The following KATNAL2 variants were observed in gnomAD, a reference collection of about 807,000 sequenced individuals.
KATNAL2 encodes the protein katanin p60 ATPase-containing subunit A-like 2.
Under a neutral mutation model 76.3 loss-of-function variants are expected in KATNAL2, and 52 were observed. That is an observed-to-expected ratio of 0.68 (90% CI 0.55 to 0.86). The LOEUF (loss-of-function observed/expected upper bound fraction) is 0.86, where lower values mean the gene tolerates loss of function less well. Ranked by LOEUF, KATNAL2 falls within the 40% of genes least tolerant of loss-of-function variation. The pLI, the probability that KATNAL2 is intolerant of heterozygous loss-of-function variation, is 0.00. For synonymous variants in KATNAL2, 243 were observed against 244.2 expected (o/e 1.00, Z 0.05); for missense variants, 660 against 668.9 (o/e 0.99, Z 0.15).
At chr18:47,054,740 G>A in intron 6 of KATNAL2, 1 of 330,154 alleles carries the variant, frequency 3.0e-6, no homozygotes, top group Non-Finnish European at 5.5e-6. Flanking sequence ...TCCTGGCTCT[G>A]CTATTTACAA....
chr18:46,959,863 C>T (rs1599474997), intron 3 of KATNAL2, among the ~76,000 whole-genome samples: 1 of 152,210 alleles, frequency 6.6e-6, no homozygotes, highest in East Asian at 1.9e-4. Context: ...GTGTGAGCCA[C>T]CACGCCTGGC....
intron 3 of KATNAL2, among the ~76,000 whole-genome samples, chr18:46,949,902 T>C (rs1357317921): frequency 6.6e-6 from 1 of 152,214 alleles, no homozygotes; most frequent in African/African-American, 2.4e-5. Flanking sequence ...ATGATCAGGG[T>C]GATTTTCTTA....
rs1166313890 is a variant in KATNAL2, at chr18:47,032,576, C to G, written c.52-13881C>G. On this transcript the variant is annotated intron_variant, in intron 3 of 17. Transcript: ENST00000683218. ...ATTAAAACAACAACAACGGCAGCAA[C>G]AGCAAACATTTTATGTATTCGGAGT... 4.7e-5 allele frequency: 10 copies of G among 214,600 alleles called. No individual in the cohort carries two copies. The South Asian group carries it at 5.2e-4, about 11-fold the overall frequency. 13.3% of individuals were successfully genotyped at this position (214,600 alleles called of 1,614,324 possible).
chr18:47,099,984 C>T (rs1358319757), intron 16 of KATNAL2, among the ~76,000 whole-genome samples: 1 of 152,180 alleles, frequency 6.6e-6, no homozygotes, highest in East Asian at 1.9e-4. Context: ...CCCTGATAGG[C>T]TAACTTGGGT....
chr18:46,940,898 T>G (rs987192190), intron 1 of KATNAL2, among the ~76,000 whole-genome samples: 1 of 152,032 alleles, frequency 6.6e-6, no homozygotes, highest in African/African-American at 2.4e-5. Flanking sequence ...GGTGGCATAC[T>G]CCTATAGTCC....
chr18:47,088,274 C>T (rs1280937905), intron 15 of KATNAL2, among the ~76,000 whole-genome samples: 1 of 152,172 alleles, frequency 6.6e-6, no homozygotes, highest in Non-Finnish European at 1.5e-5. Context: ...GAACTCACTG[C>T]CACACCATTC....
intron 3 of KATNAL2, among the ~76,000 whole-genome samples, chr18:47,032,136 G>C (rs1035249141): frequency 2.0e-5 from 3 of 152,214 alleles, no homozygotes; most frequent in Non-Finnish European, 4.4e-5. Context: ...GGGGTTCTGG[G>C]TGAAAAGTTT....
In KATNAL2 at chr18:47,099,030, C is replaced by T. The variant is rs151028362; in HGVS notation, c.1212-213C>T. 1.3e-3 allele frequency: 535 copies of T among 412,892 alleles called. 10 individuals carry two copies. The East Asian group carries it at 0.018, about 14-fold the overall frequency. 25.6% of individuals were successfully genotyped at this position (412,892 alleles called of 1,614,324 possible). ...CTTTCTTCTCCTTCCTTTCTGCTTTCCTCTCTTCCCTTCCTTCCCTCCCTC... is the reference window on the plus strand; with the variant it reads ...CTTTCTTCTCCTTCCTTTCTGCTTTTCTCTCTTCCCTTCCTTCCCTCCCTC... On this transcript the variant is annotated intron_variant, in intron 15 of 17. Coordinates refer to ENST00000683218, the MANE Select transcript of KATNAL2 (RefSeq NM_001387690.1).
intron 3 of KATNAL2, among the ~76,000 whole-genome samples, chr18:47,042,939 G>T (rs544739529): frequency 6.6e-6 from 1 of 152,296 alleles, no homozygotes; most frequent in East Asian, 1.9e-4. Context: ...TTAAAAATGA[G>T]ATCGTAGGCT....
intron 13 of KATNAL2, among the ~76,000 whole-genome samples, chr18:47,071,727 T>C (rs935869249): frequency 3.3e-5 from 5 of 151,892 alleles, no homozygotes; most frequent in East Asian, 3.9e-4. Context: ...CTAACAAAGA[T>C]TGAAGTTACA....
intron 1 of KATNAL2, among the ~76,000 whole-genome samples, chr18:46,930,794 G>T (rs1040902911): frequency 1.3e-5 from 2 of 149,890 alleles, no homozygotes; most frequent in Non-Finnish European, 3.0e-5. Flanking sequence ...GTGACAGAGT[G>T]AGACTCCATG....
At chr18:47,052,073 A>G (rs1439992732) in intron 4 of KATNAL2, among the ~76,000 whole-genome samples, 1 of 152,238 alleles carries the variant, frequency 6.6e-6, no homozygotes, top group Non-Finnish European at 1.5e-5. Context: ...GCACATGTGC[A>G]CACTTTTCAG....
At chr18:47,066,848 TATATATATATA>T (rs1249155478) in intron 10 of KATNAL2, among the ~76,000 whole-genome samples, 162 bp from the exon 11 acceptor site, 332 of 14,894 alleles carry the variant, frequency 0.022, 28 homozygotes, top group South Asian at 0.15. Context: ...TATATGTGTT[TATATATATATA>T]TATATATATA....
chr18:46,918,144 T>C (rs895075260), intron 1 of KATNAL2: 6 of 152,030 alleles, frequency 3.9e-5, no homozygotes, highest in Admixed American at 3.3e-4. Flanking sequence ...GGAAATCTGA[T>C]AGCTAGGAAG....
rs1263933641 is a variant in KATNAL2 at position 47,033,946 on chromosome 18, C to G, written c.52-12511C>G. Reference sequence around the variant, plus strand: ...GGAATCAGCGCCGGCCGCCTGCAGCCTCTCTGACTGGCTTTCCTGGACAGG... The same window carrying G: ...GGAATCAGCGCCGGCCGCCTGCAGCGTCTCTGACTGGCTTTCCTGGACAGG... On this transcript the variant is annotated intron_variant, in intron 3 of 17. Coordinates refer to ENST00000683218, the MANE Select transcript of KATNAL2 (RefSeq NM_001387690.1). 3 of 1,612,996 alleles carry G rather than the reference C, an allele frequency of 1.9e-6. No individual in the cohort carries two copies. The African/African-American group carries it at 4.0e-5, about 22-fold the overall frequency.
intron 3 of KATNAL2, among the ~76,000 whole-genome samples, chr18:47,032,074 T>G (rs72919296): frequency 0.01 from 1,575 of 152,360 alleles, 14 homozygotes; most frequent in Non-Finnish European, 0.017. Flanking sequence ...CTCTTTAGAC[T>G]TCTTGATTCA....
chr18:47,099,588 G>A (rs1372989683), intron 16 of KATNAL2, among the ~76,000 whole-genome samples, 183 bp downstream of exon 16: 3 of 152,218 alleles, frequency 2.0e-5, no homozygotes, highest in East Asian at 1.9e-4. Flanking sequence ...AATATTCAGA[G>A]AAGGAGAAAC....
intron 15 of KATNAL2, chr18:47,098,159 T>C (rs1308279364): frequency 3.2e-6 from 1 of 315,362 alleles, no homozygotes. Flanking sequence ...TGTTTTATTC[T>C]ACTTTTATAT....
chr18:46,921,483 T>C (rs1465393452), intron 1 of KATNAL2, among the ~76,000 whole-genome samples: 1 of 152,208 alleles, frequency 6.6e-6, no homozygotes, highest in Non-Finnish European at 1.5e-5. Flanking sequence ...AGCTTTTCCA[T>C]TTACTAGCTG....
Sources: gnomAD v4.1 joint callset for allele counts (sites outside exome capture counted in the v4.1 genomes callset) on GRCh38, gnomAD v4.1.1 for gene constraint, MANE v1.5 for transcripts, NCBI Gene and HGNC (gene_info 2026-07-23, HGNC 2026-07-21) for gene names.